The following BICD1 variants were observed in gnomAD, a reference collection of about 807,000 sequenced individuals.
BICD1 encodes protein bicaudal D homolog 1.
BICD1 carries 35 observed loss-of-function variants against 92.5 expected under a neutral mutation model. The observed-to-expected ratio is 0.38, with a 90% CI of 0.29 to 0.50. The LOEUF is 0.50. Ranked by LOEUF, BICD1 falls within the 20% of genes least tolerant of loss-of-function variation. The pLI is 0.93. For missense variants in BICD1, 950 were observed against 1,189.8 expected (o/e 0.80, Z 2.97); for synonymous variants, 429 against 465.1 (o/e 0.92, Z 1.00).
Position 32,321,403 on chromosome 12 carries a change from C to T in BICD1, c.1006-6058C>T, listed in dbSNP as rs58826992. Reference sequence around the variant, plus strand: ...TATGGGATATAGGAACAACAATAATCATAGTAAACATATGTTGTATACTTA... The same window carrying T: ...TATGGGATATAGGAACAACAATAATTATAGTAAACATATGTTGTATACTTA... On this transcript the variant is annotated intron_variant, in intron 4 of 9. Transcript: ENST00000652176. Among the ~76,000 whole-genome samples the T allele has an allele frequency of 1.2e-3, 178 of 152,170 alleles. 1 individual carries two copies. The East Asian group carries it at 0.018, about 16-fold the overall frequency.
intron 2 of BICD1, among the ~76,000 whole-genome samples, chr12:32,251,938 C>T (rs77523990): frequency 0.077 from 10,039 of 130,282 alleles, 1,271 homozygotes; most frequent in African/African-American, 0.28. Context: ...TTGGGGCGCT[C>T]GGGAGTTTGT....
intron 1 of BICD1, among the ~76,000 whole-genome samples, chr12:32,162,096 G>A (rs1031614223): frequency 2.0e-5 from 3 of 152,182 alleles, no homozygotes; most frequent in Non-Finnish European, 4.4e-5. Context: ...AAGTGCCTTC[G>A]TGAGCAGGCT....
chr12:32,174,495 C>G (rs1004507645), intron 1 of BICD1, among the ~76,000 whole-genome samples: 30 of 150,506 alleles, frequency 2.0e-4, no homozygotes, highest in African/African-American at 7.0e-4. Flanking sequence ...AGAGCAAGAC[C>G]CTGTCTCCAA....
Position 32,328,634 on chromosome 12 carries a change from A to G in BICD1, c.2100+79A>G. On this transcript the variant is annotated intron_variant, in intron 5 of 9. Coordinates refer to ENST00000652176, the MANE Select transcript of BICD1 (RefSeq NM_001714.4). The surrounding 1 kb of genome is among the most constrained non-coding windows in gnomAD (Gnocchi z 4.4). ...TATTCCCTAATTTTATTGAGTATCGAGTATCGTCAAGATGAGAGTTCAGAT... is the reference window on the plus strand; with the variant it reads ...TATTCCCTAATTTTATTGAGTATCGGGTATCGTCAAGATGAGAGTTCAGAT... 1.3e-6 allele frequency: 2 copies of G among 1,515,424 alleles called. No individual in the cohort carries two copies. Among genetic ancestry groups the G allele is most frequent in the Admixed American group, 2.1e-5 (1 of 47,344 alleles). 93.9% of individuals were successfully genotyped at this position (1,515,424 alleles called of 1,614,324 possible).
At chr12:32,294,836 C>T (rs553671513) in intron 3 of BICD1, among the ~76,000 whole-genome samples, 1 of 152,004 alleles carries the variant, frequency 6.6e-6, no homozygotes, top group African/African-American at 2.4e-5. Flanking sequence ...AATCCCAGCA[C>T]TTTGGGAGGC....
intron 1 of BICD1, among the ~76,000 whole-genome samples, chr12:32,155,358 A>G (rs1212431615): frequency 6.6e-6 from 1 of 152,212 alleles, no homozygotes; most frequent in East Asian, 1.9e-4. Context: ...TTGATATGCA[A>G]AAAGGAGAAT....
intron 1 of BICD1, among the ~76,000 whole-genome samples, chr12:32,143,811 T>C (rs1943026401): frequency 6.6e-6 from 1 of 152,348 alleles, no homozygotes. Flanking sequence ...TGTCAGATTT[T>C]AACATTTGGC....
Position 32,377,495 on chromosome 12 carries a change from C to T in BICD1, c.2841-45C>T, listed in dbSNP as rs1940018399. Reference sequence around the variant, plus strand: ...CTAACCCCTACCATTGTGCCTGGCCCTTTGAAATGTGTTTCTTGCTGACGT... The same window carrying T: ...CTAACCCCTACCATTGTGCCTGGCCTTTTGAAATGTGTTTCTTGCTGACGT... On this transcript the variant is annotated intron_variant, in intron 9 of 9. Transcript: ENST00000652176. 3.3e-6 allele frequency: 5 copies of T among 1,517,996 alleles called. No homozygotes were observed. In the South Asian group the frequency reaches 4.5e-5, roughly 14 times the overall value. The allele number at this position is 1,517,996 out of a possible 1,614,324, so 94.0% of individuals were successfully genotyped here.
rs2136232178 is a variant in BICD1, at chr12:32,313,939, A to G, written c.1005+7817A>G. On this transcript the variant is annotated intron_variant, in intron 4 of 9. Transcript: ENST00000652176. This position sits in a 1 kb window ranked among gnomAD's most constrained non-coding sequence, Gnocchi z 4.2. ...GTCAAGGCTGCAGTGAGCCATGACC[A>G]TGCCACTGCACTCCAGCCTAGGTGA... is the stretch of plus-strand genomic sequence containing the variant. Among the ~76,000 whole-genome samples the G allele has an allele frequency of 6.6e-6, 1 of 152,326 alleles. No individual in the cohort carries two copies. Among genetic ancestry groups the G allele is most frequent in the South Asian group, 2.1e-4 (1 of 4,830 alleles).
At chr12:32,371,586 G>GTTTGTT (rs1158423655) in intron 9 of BICD1, among the ~76,000 whole-genome samples, 4 of 151,612 alleles carry the variant, frequency 2.6e-5, no homozygotes, top group Non-Finnish European at 2.9e-5. Context: ...GCGTTTTTTT[G>GTTTGTT]TTTGTTTTTG....
At chr12:32,202,890 C>T (rs1237028683) in intron 1 of BICD1, among the ~76,000 whole-genome samples, 9 of 152,166 alleles carry the variant, frequency 5.9e-5, no homozygotes, top group Admixed American at 1.3e-4. Flanking sequence ...GGATTATAGG[C>T]GTGAGCCACC....
At chr12:32,350,585 A>G (rs1336064628) in intron 8 of BICD1, among the ~76,000 whole-genome samples, 3 of 152,208 alleles carry the variant, frequency 2.0e-5, no homozygotes, top group Non-Finnish European at 4.4e-5. Flanking sequence ...TCAACCAGCA[A>G]AGATTCCTAG....
chr12:32,298,402 A>G (rs1027875987), intron 3 of BICD1, among the ~76,000 whole-genome samples: 14 of 151,492 alleles, frequency 9.2e-5, no homozygotes, highest in Admixed American at 4.0e-4. Flanking sequence ...TCTACTAAAA[A>G]TATAAAAAAG....
chr12:32,302,251 C>G (rs1230423535), intron 3 of BICD1, among the ~76,000 whole-genome samples: 1 of 152,158 alleles, frequency 6.6e-6, no homozygotes, highest in Non-Finnish European at 1.5e-5. Flanking sequence ...CATCAGTTTT[C>G]TAAATATTGG....
At position 32,381,749 on chromosome 12, in the gene BICD1, G is replaced by T. The variant is rs1348495428; in HGVS notation, c.*4122G>T. The stretch of plus-strand genomic sequence containing the variant: ...CAGGCTGCCACAAATACATTGATAT[G>T]GTAGGTAGGAAGTAGGACTAAATTT... On this transcript the variant is annotated 3_prime_UTR_variant, in exon 10 of 10. Transcript: ENST00000652176. The T allele has an allele frequency of 6.6e-6, 1 of 152,008 alleles. No individual in the cohort carries two copies. The highest frequency in any genetic ancestry group is 1.9e-4 in the East Asian group (1 of 5,194). 9.4% of individuals were successfully genotyped at this position (152,008 alleles called of 1,614,324 possible).
chr12:32,366,754 G>A lies in BICD1; in HGVS notation c.2765-916G>A, dbSNP rs1939538921. Among the ~76,000 whole-genome samples, 3 of 152,318 alleles carry A rather than the reference G, an allele frequency of 2.0e-5. No individual in the cohort carries two copies. In the South Asian group the frequency reaches 6.2e-4, roughly 32 times the overall value. On this transcript the variant is annotated intron_variant, in intron 8 of 9. Transcript: ENST00000652176. ...TCAATTATTTAAGAATAATTTTTAAGTTTAATTCCAATTTTAACTTGTTTG... is the reference window on the plus strand; with the variant it reads ...TCAATTATTTAAGAATAATTTTTAAATTTAATTCCAATTTTAACTTGTTTG...
intron 1 of BICD1, among the ~76,000 whole-genome samples, chr12:32,140,505 G>C (rs1942879303): frequency 6.6e-6 from 1 of 151,892 alleles, no homozygotes; most frequent in Non-Finnish European, 1.5e-5. Flanking sequence ...TTTTTGATAC[G>C]GAGTCTCGCT....
chr12:32,251,984 TATATA>T (rs1239996922), intron 2 of BICD1, among the ~76,000 whole-genome samples: 1 of 46,036 alleles, frequency 2.2e-5, no homozygotes, highest in Non-Finnish European at 4.3e-5. Flanking sequence ...TACCACTATA[TATATA>T]ATATATTTAT....
chr12:32,201,401 G>A (rs1161694475), intron 1 of BICD1, among the ~76,000 whole-genome samples: 1 of 152,050 alleles, frequency 6.6e-6, no homozygotes. Flanking sequence ...TTCATACAAT[G>A]TAATGAAGTC....
Sources: gnomAD v4.1 joint callset for allele counts (sites outside exome capture counted in the v4.1 genomes callset) on GRCh38, gnomAD v4.1.1 for gene constraint, Gnocchi (gnomAD v3.1) non-coding constraint, MANE v1.5 for transcripts, NCBI Gene and HGNC (gene_info 2026-07-23, HGNC 2026-07-21) for gene names.